SUMF1: variants seen among roughly 807,000 people sequenced by gnomAD.
SUMF1 encodes the protein sulfatase modifying factor 1.
A neutral mutation model predicts 47.6 loss-of-function variants in SUMF1; 48 were observed. The observed-to-expected ratio is 1.01, with a 90% CI of 0.80 to 1.28. The LOEUF is 1.28. Among genes scored for constraint, SUMF1 ranks in the 50% most tolerant of loss-of-function variants. SUMF1 has a pLI of 0.00. For missense variants in SUMF1, 571 were observed against 485.4 expected, an observed-to-expected ratio of 1.18 and a Z score of -1.66; for synonymous variants, 230 against 192.1, an observed-to-expected ratio of 1.20 and a Z score of -1.63.
intron 8 of SUMF1, among the ~76,000 whole-genome samples, chr3:4,252,643 G>C (rs995303359): frequency 6.6e-6 from 1 of 152,126 alleles, no homozygotes; most frequent in Non-Finnish European, 1.5e-5. Flanking sequence ...AAAGTTACAA[G>C]CTCAAGCAGT....
At chr3:4,200,128 T>C (rs1695510566) in intron 8 of SUMF1, among the ~76,000 whole-genome samples, 1 of 151,796 alleles carries the variant, frequency 6.6e-6, no homozygotes, top group Admixed American at 6.6e-5. Flanking sequence ...AGATCTATGA[T>C]CCACTTTGAG....
At chr3:4,273,947 C>A (rs1697363329) in intron 8 of SUMF1, among the ~76,000 whole-genome samples, 1 of 150,576 alleles carries the variant, frequency 6.6e-6, no homozygotes, top group South Asian at 2.1e-4. Flanking sequence ...AAATAATAGC[C>A]TAGTCTGCAT....
intron 8 of SUMF1, among the ~76,000 whole-genome samples, chr3:4,278,457 G>C (rs974393016): frequency 1.3e-5 from 2 of 152,096 alleles, no homozygotes; most frequent in African/African-American, 4.8e-5. Context: ...AAAAATTGAA[G>C]ATGAATTTTG....
intron 8 of SUMF1, among the ~76,000 whole-genome samples, chr3:4,227,341 G>A (rs1269056858): frequency 6.6e-6 from 1 of 151,754 alleles, no homozygotes; most frequent in Non-Finnish European, 1.5e-5. Flanking sequence ...GAAGCACACA[G>A]TAGGTGTTAA....
rs1694592499 is a variant in SUMF1, at chr3:4,162,163, G to A, written c.1015-93418C>T. Among the ~76,000 whole-genome samples, 3 of 152,090 alleles carry A rather than the reference G, an allele frequency of 2.0e-5. 1 individual carries two copies. The South Asian group carries it at 6.2e-4, about 32-fold the overall frequency. On this transcript the variant is annotated intron_variant and NMD_transcript_variant, in intron 8 of 12. Transcript: ENST00000448413. ...TCTGTCTAATGCCCTATCCTGTTGT[G>A]GCTGAGCTGATATCCAAGTTGCAAG...
At chr3:4,095,224 C>A (rs1202906860) in intron 8 of SUMF1, among the ~76,000 whole-genome samples, 3 of 152,042 alleles carry the variant, frequency 2.0e-5, no homozygotes, top group African/African-American at 4.8e-5. Context: ...TGGTCCTAAA[C>A]TCTATATTTT....
intron 3 of SUMF1, among the ~76,000 whole-genome samples, chr3:4,446,501 G>A (rs1027706753): frequency 6.6e-6 from 1 of 152,118 alleles, no homozygotes; most frequent in African/African-American, 2.4e-5. Context: ...TTAGCAGCAC[G>A]AGAAGAGACT....
chr3:4,359,013 T>TCA (rs1699683420), downstream of SUMF1, among the ~76,000 whole-genome samples: 1 of 152,178 alleles, frequency 6.6e-6, no homozygotes, highest in African/African-American at 2.4e-5. Context: ...CAAAGTTCCT[T>TCA]AAGTTTTGAG....
At chr3:4,349,193 A>AT (rs1699435856) in intron 8 of SUMF1, among the ~76,000 whole-genome samples, 1 of 152,254 alleles carries the variant, frequency 6.6e-6, no homozygotes, top group African/African-American at 2.4e-5. Flanking sequence ...TGGGTGAAGG[A>AT]TATGAACAAA....
At chr3:4,187,819 T>G (rs1470029288) in intron 8 of SUMF1, among the ~76,000 whole-genome samples, 2 of 152,192 alleles carry the variant, frequency 1.3e-5, no homozygotes, top group African/African-American at 4.8e-5. Context: ...TGTCTTAAAC[T>G]TCCTTTGGAC....
intron 8 of SUMF1, among the ~76,000 whole-genome samples, chr3:4,287,455 G>A (rs574707857): frequency 1.3e-5 from 2 of 151,692 alleles, no homozygotes; most frequent in South Asian, 4.2e-4. Context: ...GGATGTGTGT[G>A]CTTGTTGGTC....
chr3:4,229,384 G>T (rs1413013378), intron 8 of SUMF1: 1 of 394,142 alleles, frequency 2.5e-6, no homozygotes, highest in African/African-American at 2.1e-5. Flanking sequence ...GCCAAGAAGA[G>T]AAACCACAAG....
In SUMF1 at chr3:4,253,500, C is replaced by T. The variant is rs569200708; in HGVS notation, c.1014+122830G>A. Among the ~76,000 whole-genome samples, 154 of 151,966 alleles carry T rather than the reference C, an allele frequency of 1.0e-3. 1 individual carries two copies. In the East Asian group the frequency reaches 0.026, roughly 26 times the overall value. Reference sequence around the variant, plus strand: ...CTTTCCGAGTAAAAGAAAGGGGTGACGGACGCACCTGGAAAATCGGGTCAC... The same window carrying T: ...CTTTCCGAGTAAAAGAAAGGGGTGATGGACGCACCTGGAAAATCGGGTCAC... On this transcript the variant is annotated intron_variant and NMD_transcript_variant, in intron 8 of 12. Transcript: ENST00000448413.
chr3:4,045,948 G>A (rs1694998049), intron 9 of SUMF1, among the ~76,000 whole-genome samples: 1 of 152,190 alleles, frequency 6.6e-6, no homozygotes, highest in Non-Finnish European at 1.5e-5. Context: ...TGACTCAGAA[G>A]GCTGAGGCAA....
rs10667318 is a variant in SUMF1, at chr3:4,464,412, T to TTGTGTGTG, written c.270+2556_270+2563dup. 4.4e-4 allele frequency among the ~76,000 whole-genome samples: 66 copies of TTGTGTGTG among 150,622 alleles called. 1 individual carries two copies. Among genetic ancestry groups the TTGTGTGTG allele is most frequent in the African/African-American group, 1.5e-3 (63 of 40,972 alleles). ...TACTTATGTGTGTGTCTGTGTGTGTTTGTGTGTGTGTGTGTGTGTGAGAGA... is the reference window on the plus strand; with the variant it reads ...TACTTATGTGTGTGTCTGTGTGTGTTTGTGTGTGTGTGTGTGTGTGTGTGTGTGAGAGA... On this transcript the variant is annotated intron_variant, in intron 1 of 8. Transcript: ENST00000272902.
intron 8 of SUMF1, among the ~76,000 whole-genome samples, chr3:4,344,272 C>A (rs953637096): frequency 6.6e-6 from 1 of 152,162 alleles, no homozygotes; most frequent in Non-Finnish European, 1.5e-5. Flanking sequence ...GGAAGGGGAA[C>A]CCCCATTGGC....
At chr3:4,092,576 CA>C (rs1263041873) in intron 8 of SUMF1, among the ~76,000 whole-genome samples, 1 of 152,060 alleles carries the variant, frequency 6.6e-6, no homozygotes, top group Admixed American at 6.6e-5. Flanking sequence ...ATTGGTTAAC[CA>C]TGTCATATTC....
chr3:4,266,387 G>C (rs1697195585), intron 8 of SUMF1, among the ~76,000 whole-genome samples: 1 of 152,112 alleles, frequency 6.6e-6, no homozygotes. Context: ...CCATTTGTTT[G>C]TATCCTCTTT....
intron 3 of SUMF1, among the ~76,000 whole-genome samples, chr3:4,438,675 C>A (rs933018501): frequency 2.0e-5 from 3 of 152,066 alleles, no homozygotes; most frequent in Non-Finnish European, 2.9e-5. Flanking sequence ...GACAGAATCA[C>A]TAAGAGAAAT....
Sources: gnomAD v4.1 joint callset for allele counts (sites outside exome capture counted in the v4.1 genomes callset) on GRCh38, gnomAD v4.1.1 for gene constraint, MANE v1.5 for transcripts, NCBI Gene and HGNC (gene_info 2026-07-23, HGNC 2026-07-21) for gene names.